Variants in CDH12 observed in about 807,000 individuals in gnomAD.
The protein encoded by CDH12 is cadherin 12.
CDH12 carries 41 observed loss-of-function variants against 74.1 expected under a neutral mutation model. The observed-to-expected ratio is 0.55, with a 90% CI of 0.43 to 0.72. The LOEUF (loss-of-function observed/expected upper bound fraction) is 0.72, where lower values mean the gene tolerates loss of function less well. Ranked by LOEUF, CDH12 falls within the 30% of genes least tolerant of loss-of-function variation. The pLI is 0.00. For synonymous variants in CDH12, 399 were observed against 355.0 expected (o/e 1.12, Z -1.39); for missense variants, 945 against 977.2 (o/e 0.97, Z 0.44).
Position 22,792,224 on chromosome 5 carries a change from G to A in CDH12, c.-523+60834C>T, listed in dbSNP as rs192441959. 6.0e-3 allele frequency among the ~76,000 whole-genome samples: 905 copies of A among 151,884 alleles called. 8 individuals carry two copies. Among genetic ancestry groups the A allele is most frequent in the African/African-American group, 0.021 (851 of 41,424 alleles). ...CTGCCTCAGCTGCCCAAGTAGCTGG[G>A]ATTACAGGTGCCCGCCATCACGCCC... On this transcript the variant is annotated intron_variant, in intron 1 of 14. Coordinates refer to ENST00000382254, the MANE Select transcript of CDH12 (RefSeq NM_004061.5).
intron 6 of CDH12, among the ~76,000 whole-genome samples, chr5:21,902,465 G>A (rs2150055235): frequency 6.6e-6 from 1 of 152,124 alleles, no homozygotes; most frequent in African/African-American, 2.4e-5. Context: ...CCCCATAACA[G>A]ACTTAATGCA....
At chr5:21,859,994 G>A (rs1750949554) in intron 6 of CDH12, among the ~76,000 whole-genome samples, 1 of 151,790 alleles carries the variant, frequency 6.6e-6, no homozygotes, top group African/African-American at 2.4e-5. Context: ...CAGAAATGAA[G>A]GTTTGGGTCA....
At chr5:21,839,086 T>G (rs1293813278) in intron 8 of CDH12, among the ~76,000 whole-genome samples, 1 of 152,134 alleles carries the variant, frequency 6.6e-6, no homozygotes, top group African/African-American at 2.4e-5. Context: ...GTACAAGCAG[T>G]CTCCCAATCT....
chr5:21,926,412 T>C (rs988159549), intron 6 of CDH12, among the ~76,000 whole-genome samples: 1 of 152,192 alleles, frequency 6.6e-6, no homozygotes, highest in African/African-American at 2.4e-5. Context: ...AACCAGTGAA[T>C]ATCTTAATTT....
intron 2 of CDH12, among the ~76,000 whole-genome samples, chr5:22,487,064 A>T (rs1746634800): frequency 6.7e-6 from 1 of 150,374 alleles, no homozygotes. Flanking sequence ...TGTGTGTGGC[A>T]TGATCTCAGC....
At chr5:22,404,421 T>G (rs1742854872) in intron 3 of CDH12, among the ~76,000 whole-genome samples, 1 of 152,188 alleles carries the variant, frequency 6.6e-6, no homozygotes, top group Admixed American at 6.5e-5. Context: ...GGCTTAGTAT[T>G]TAACAGTTTA....
chr5:22,074,312 T>A (rs1312016466), intron 5 of CDH12, among the ~76,000 whole-genome samples: 1 of 152,084 alleles, frequency 6.6e-6, no homozygotes, highest in Non-Finnish European at 1.5e-5. Flanking sequence ...AAAAGTTAAT[T>A]AAAGATGGAT....
intron 3 of CDH12, among the ~76,000 whole-genome samples, chr5:22,359,256 C>CA (rs1740696283): frequency 1.3e-5 from 2 of 151,396 alleles, no homozygotes; most frequent in South Asian, 2.1e-4. Flanking sequence ...AAATGGAAAA[C>CA]AAAAAAAGGC....
At chr5:22,130,123 C>T (rs1746103272) in intron 4 of CDH12, among the ~76,000 whole-genome samples, 1 of 148,742 alleles carries the variant, frequency 6.7e-6, no homozygotes, top group Non-Finnish European at 1.5e-5. Context: ...CAAAAATACT[C>T]AAAATAAGTA....
intron 3 of CDH12, among the ~76,000 whole-genome samples, chr5:22,240,527 G>C (rs1389590803): frequency 6.6e-6 from 1 of 152,090 alleles, no homozygotes; most frequent in African/African-American, 2.4e-5. Context: ...AGAATACTTT[G>C]AAAGTAATTT....
intron 4 of CDH12, among the ~76,000 whole-genome samples, chr5:22,194,927 G>T (rs1750536702): frequency 6.6e-6 from 1 of 152,058 alleles, no homozygotes; most frequent in Non-Finnish European, 1.5e-5. Context: ...GTATAAGCGA[G>T]CACCTTGGGA....
chr5:21,813,908 T>C (rs1747892901), intron 9 of CDH12, among the ~76,000 whole-genome samples: 1 of 152,160 alleles, frequency 6.6e-6, no homozygotes, highest in South Asian at 2.1e-4. Flanking sequence ...TGATTTCTAA[T>C]TTGTTTGTTT....
At chr5:22,260,086 A>T (rs937607841) in intron 3 of CDH12, among the ~76,000 whole-genome samples, 1 of 152,108 alleles carries the variant, frequency 6.6e-6, no homozygotes, top group African/African-American at 2.4e-5. Context: ...AAAATGAATT[A>T]TCCTTTACAA....
At chr5:21,821,213 C>T (rs1195665549) in intron 8 of CDH12, among the ~76,000 whole-genome samples, 2 of 151,288 alleles carry the variant, frequency 1.3e-5, no homozygotes, top group South Asian at 2.1e-4. Context: ...AGGTAGGGGA[C>T]ATGCATTGCT....
chr5:22,822,435 G>A (rs546389555), intron 1 of CDH12, among the ~76,000 whole-genome samples: 2 of 152,118 alleles, frequency 1.3e-5, no homozygotes, highest in South Asian at 4.1e-4. Flanking sequence ...TACCATCAGA[G>A]TGAACAGGCA....
rs978708068 is a variant in CDH12 at position 22,818,273 on chromosome 5, C to T, written c.-523+34785G>A. ...GCATCTCTTCCTCATTATCTCACAT[C>T]CTAGACAGCTCTACTTTTCTGTCAG... On this transcript the variant is annotated intron_variant, in intron 1 of 14. Transcript: ENST00000382254. Among the ~76,000 whole-genome samples the T allele has an allele frequency of 3.3e-5, 5 of 152,250 alleles. 1 individual carries two copies. Among genetic ancestry groups the T allele is most frequent in the Non-Finnish European group, 5.9e-5 (4 of 68,006 alleles).
intron 6 of CDH12, among the ~76,000 whole-genome samples, chr5:21,886,911 C>A (rs1752661842): frequency 6.6e-6 from 1 of 151,998 alleles, no homozygotes; most frequent in African/African-American, 2.4e-5. Flanking sequence ...AACAATGAAG[C>A]AGTTGGCTAT....
chr5:22,469,476 G>T (rs370812871), intron 2 of CDH12, among the ~76,000 whole-genome samples: 3 of 152,176 alleles, frequency 2.0e-5, no homozygotes, highest in East Asian at 3.9e-4. Context: ...ATGTATGCAT[G>T]TGTCCGAATA....
chr5:22,036,226 C>T (rs1739177697), intron 5 of CDH12, among the ~76,000 whole-genome samples: 1 of 152,166 alleles, frequency 6.6e-6, no homozygotes, highest in South Asian at 2.1e-4. Flanking sequence ...CTCCACACTG[C>T]ACCTACTGCT....
Sources: allele counts gnomAD v4.1 joint callset (sites outside exome capture counted in the v4.1 genomes callset), GRCh38; gene constraint gnomAD v4.1.1; transcripts MANE v1.5; gene names NCBI Gene and HGNC (gene_info 2026-07-23, HGNC 2026-07-21).